Variants in DOCK8 observed in about 807,000 individuals in gnomAD.
DOCK8 encodes dedicator of cytokinesis protein 8.
A neutral mutation model predicts 245.6 loss-of-function variants in DOCK8; 141 were observed. The observed-to-expected ratio is 0.57, with a 90% CI of 0.50 to 0.66. DOCK8 has a LOEUF of 0.66. DOCK8 is among the 30% of genes least tolerant of loss of function. DOCK8 has a pLI of 0.00. For synonymous variants in DOCK8, 1,168 were observed against 970.2 expected, an observed-to-expected ratio of 1.20 and a Z score of -3.79; for missense variants, 2,965 against 2,603.4, an observed-to-expected ratio of 1.14 and a Z score of -3.02.
At chr9:241,691 G>A (rs765528757) in intron 1 of DOCK8, among the ~76,000 whole-genome samples, 10 of 152,180 alleles carry the variant, frequency 6.6e-5, no homozygotes, top group Non-Finnish European at 1.2e-4. Flanking sequence ...ACATGGGGGC[G>A]CAGATGTCTC....
intron 37 of DOCK8, among the ~76,000 whole-genome samples, chr9:433,078 TG>T (rs2056774948): frequency 1.3e-5 from 2 of 152,274 alleles, no homozygotes; most frequent in Admixed American, 1.3e-4. Flanking sequence ...CGGGCAATGT[TG>T]CATCCTCATT....
At chr9:338,477 T>C (rs2051423715) in intron 12 of DOCK8, among the ~76,000 whole-genome samples, 1 of 152,118 alleles carries the variant, frequency 6.6e-6, no homozygotes, top group Non-Finnish European at 1.5e-5. Flanking sequence ...ATAAGACATA[T>C]CTACCCACTT....
chr9:269,579 A>G (rs997717231), intron 1 of DOCK8, among the ~76,000 whole-genome samples: 7 of 138,334 alleles, frequency 5.1e-5, no homozygotes, highest in Non-Finnish European at 1.1e-4. Flanking sequence ...TTTTTGCAAC[A>G]GAGTCTTGCT....
At chr9:291,633 G>A (rs1486017862) in intron 4 of DOCK8, among the ~76,000 whole-genome samples, 3 of 151,820 alleles carry the variant, frequency 2.0e-5, no homozygotes, top group African/African-American at 4.8e-5. Flanking sequence ...CCTTTTCAGT[G>A]TTGTGCTTAA....
chr9:382,713 G>A (rs1372297169), intron 22 of DOCK8, 28 bp downstream of exon 22: 2 of 1,613,112 alleles, frequency 1.2e-6, no homozygotes, highest in Admixed American at 3.3e-5. Flanking sequence ...CCGTGGAAGG[G>A]GACACAGGCT....
chr9:319,921 G>A (rs1395870949), intron 7 of DOCK8, among the ~76,000 whole-genome samples: 1 of 152,204 alleles, frequency 6.6e-6, no homozygotes, highest in Non-Finnish European at 1.5e-5. Context: ...ACTTTAATGT[G>A]CAGAAAATTT....
At chr9:243,177 A>T (rs1348537615) in intron 1 of DOCK8, among the ~76,000 whole-genome samples, 1 of 152,182 alleles carries the variant, frequency 6.6e-6, no homozygotes, top group Non-Finnish European at 1.5e-5. Context: ...CAGTGGTATA[A>T]AGCATGAAAC....
intron 31 of DOCK8, 126 bp downstream of exon 31, chr9:420,709 C>G (rs2131639993): frequency 7.6e-7 from 1 of 1,319,562 alleles, no homozygotes; most frequent in Admixed American, 1.8e-5. Context: ...GTATTCAAAT[C>G]CATAACCCAT....
At chr9:445,956 CT>C (rs2057240234) in intron 43 of DOCK8, among the ~76,000 whole-genome samples, 1 of 152,222 alleles carries the variant, frequency 6.6e-6, no homozygotes, top group Non-Finnish European at 1.5e-5. Context: ...GATCTCCATC[CT>C]TGCCAGCACT....
intron 26 of DOCK8, 36 bp downstream of exon 26, chr9:399,295 C>A (rs754769547): frequency 1.4e-6 from 2 of 1,396,578 alleles, no homozygotes; most frequent in Non-Finnish European, 9.8e-7. Flanking sequence ...CCGAGCGAGC[C>A]ACTTGGTTCC....
At chr9:343,622 C>G (rs1356551819) in intron 14 of DOCK8, among the ~76,000 whole-genome samples, 2 of 152,184 alleles carry the variant, frequency 1.3e-5, no homozygotes, top group African/African-American at 4.8e-5. Context: ...CCTGGAGCAG[C>G]TCTTCATTTT....
intron 4 of DOCK8, among the ~76,000 whole-genome samples, chr9:295,407 C>T (rs2049218605): frequency 1.3e-5 from 2 of 152,054 alleles, no homozygotes; most frequent in African/African-American, 4.8e-5. Context: ...TTCCAGTTAT[C>T]CCAATATTCC....
chr9:245,907 G>A (rs1213903810), intron 1 of DOCK8, among the ~76,000 whole-genome samples: 1 of 152,068 alleles, frequency 6.6e-6, no homozygotes, highest in Admixed American at 6.6e-5. Context: ...ATTTAGGCAA[G>A]CAAACAAAAG....
intron 6 of DOCK8, among the ~76,000 whole-genome samples, chr9:316,126 C>T (rs2050335497): frequency 6.6e-6 from 1 of 152,164 alleles, no homozygotes; most frequent in Non-Finnish European, 1.5e-5. Context: ...AGGAAGGTGA[C>T]TTTACTGCTA....
chr9:342,628 C>A (rs747626664), intron 14 of DOCK8, among the ~76,000 whole-genome samples: 4 of 152,008 alleles, frequency 2.6e-5, no homozygotes, highest in Admixed American at 6.6e-5. Flanking sequence ...TGCCACCACA[C>A]CCAGTTAATT....
chr9:372,215 C>G lies in DOCK8; in HGVS notation c.2038C>G (p.Gln680Glu). 2 of 1,614,118 alleles carry G rather than the reference C, an allele frequency of 1.2e-6. No homozygotes were observed. The change falls in exon 18 of 48, where the codon CAA becomes GAA. Residue 680 changes from glutamine (Q) to glutamate (E), a missense_variant. By Grantham distance (29) the Gln-to-Glu change is conservative. This residue lies in a region of DOCK8 where 2,825 missense variants were observed against 2,453.5 expected (regional missense o/e 1.15). Coordinates refer to ENST00000432829, the MANE Select transcript of DOCK8 (RefSeq NM_203447.4). ...WLPILLNERL[Q>E]TGSYCLPVAL... ...GCCAATTCTCTTAAATGAACGTCTT[C>G]AAACTGGATCCTACTGTCTCCCAGT...
chr9:346,506 CA>C (rs1165957545), intron 14 of DOCK8, among the ~76,000 whole-genome samples: 1 of 152,204 alleles, frequency 6.6e-6, no homozygotes, highest in Non-Finnish European at 1.5e-5. Context: ...TAAAAAGAGC[CA>C]CATAAAGTAC....
At chr9:310,842 C>T (rs1308209478) in intron 5 of DOCK8, among the ~76,000 whole-genome samples, 1 of 152,176 alleles carries the variant, frequency 6.6e-6, no homozygotes, top group Admixed American at 6.5e-5. Flanking sequence ...CTATGATTGT[C>T]CCATCATCTG....
upstream of DOCK8, chr9:214,108 C>A: frequency 4.2e-6 from 1 of 237,414 alleles, no homozygotes; most frequent in Non-Finnish European, 8.2e-6. Context: ...CAGGTTAGAG[C>A]AGCACGCCGG....
Sources: gnomAD v4.1 joint callset for allele counts (sites outside exome capture counted in the v4.1 genomes callset) on GRCh38, gnomAD v4.1.1 for gene constraint, gnomAD v4.1.1 regional missense constraint, MANE v1.5 for transcripts, NCBI Gene and HGNC (gene_info 2026-07-23, HGNC 2026-07-21) for gene names.